SCN2A: variants seen among roughly 807,000 people sequenced by gnomAD.
The protein encoded by SCN2A is sodium voltage-gated channel alpha subunit 2.
SCN2A carries 20 observed loss-of-function variants against 188.7 expected under a neutral mutation model. That is an observed-to-expected ratio of 0.11 (90% CI 0.07 to 0.15). SCN2A has a LOEUF of 0.15. Ranked by LOEUF, SCN2A falls within the 10% of genes least tolerant of loss-of-function variation. The pLI is 1.00. For missense variants in SCN2A, 1,278 were observed against 2,445.0 expected, an observed-to-expected ratio of 0.52 and a Z score of 10.07; for synonymous variants, 804 against 833.1, an observed-to-expected ratio of 0.97 and a Z score of 0.60.
intron 14 of SCN2A, 58 bp from the exon 15 acceptor site, chr2:165,342,238 A>G (rs576355676): frequency 2.7e-6 from 4 of 1,504,048 alleles, no homozygotes; most frequent in South Asian, 2.3e-5. Flanking sequence ...AAGTTGCTCA[A>G]TAATTATTCG....
intron 14 of SCN2A, among the ~76,000 whole-genome samples, chr2:165,340,402 T>G (rs1217329262): frequency 6.6e-6 from 1 of 152,224 alleles, no homozygotes; most frequent in Non-Finnish European, 1.5e-5. Context: ...CTGTCAGGTC[T>G]CTGAGGTAAC....
intron 4 of SCN2A, 99 bp downstream of exon 4, chr2:165,308,036 G>T: frequency 1.2e-6 from 1 of 850,164 alleles, no homozygotes. Context: ...AATCATGCTA[G>T]CTACTGTTAA....
intron 16 of SCN2A, among the ~76,000 whole-genome samples, chr2:165,352,805 G>A (rs1285821706): frequency 3.3e-5 from 5 of 152,076 alleles, no homozygotes; most frequent in Admixed American, 3.3e-4. Context: ...TTGTCATTAT[G>A]TACATGCAAA....
At chr2:165,248,570 C>T (rs891979666) in intron 1 of SCN2A, among the ~76,000 whole-genome samples, 1 of 152,120 alleles carries the variant, frequency 6.6e-6, no homozygotes, top group African/African-American at 2.4e-5. Context: ...CTTATCGTCT[C>T]CCACATTCTT....
At chr2:165,260,366 C>T (rs186589883) in intron 1 of SCN2A, among the ~76,000 whole-genome samples, 13 of 152,234 alleles carry the variant, frequency 8.5e-5, no homozygotes, top group African/African-American at 2.6e-4. Context: ...GGTGCATTGT[C>T]AATGAGCAGT....
chr2:165,283,367 T>C (rs1377234073), intron 1 of SCN2A, among the ~76,000 whole-genome samples: 1 of 152,152 alleles, frequency 6.6e-6, no homozygotes, highest in Non-Finnish European at 1.5e-5. Flanking sequence ...GGGCATCATA[T>C]AAGTGTAAGC....
At chr2:165,316,423 A>T (rs1056666937) in intron 11 of SCN2A, among the ~76,000 whole-genome samples, 1 of 152,180 alleles carries the variant, frequency 6.6e-6, no homozygotes, top group African/African-American at 2.4e-5. Flanking sequence ...TGCCTTTTGT[A>T]CTCATGCAAG....
rs1436110486 is a variant in SCN2A, at chr2:165,265,468, G to GATATAT, written c.-52+25830_-52+25831insATATAT. 6.9e-3 allele frequency among the ~76,000 whole-genome samples: 137 copies of GATATAT among 19,776 alleles called. 4 individuals are homozygous for GATATAT. The highest frequency in any genetic ancestry group is 0.014 in the African/African-American group (81 of 5,784). 13.0% of individuals were successfully genotyped at this position (19,776 alleles called of 152,430 possible). ...CTCTAGGTTATGTGTTTACTCTGTT[G>GATATAT]ATCTATATATATATATATATATATA... On this transcript the variant is annotated intron_variant, in intron 1 of 26. Coordinates refer to ENST00000375437, the MANE Select transcript of SCN2A (RefSeq NM_001040142.2).
At position 165,388,859 on chromosome 2, in the gene SCN2A, G is replaced by A. The variant is rs1702012390; in HGVS notation, c.5053G>A (p.Val1685Ile). 1.2e-6 allele frequency: 2 copies of A among 1,613,952 alleles called. No homozygotes were observed. The highest frequency in any genetic ancestry group is 2.7e-5 in the African/African-American group (2 of 74,912). The change falls in exon 27 of 27, where the codon GTT becomes ATT. Residue 1685 changes from valine (V) to isoleucine (I), a missense_variant. By Grantham distance (29) the Val-to-Ile change is conservative. Around this residue, in one of 17 missense-constraint regions of SCN2A, gnomAD observed 47 missense variants for 109.0 expected, o/e 0.43. Coordinates refer to ENST00000375437, the MANE Select transcript of SCN2A (RefSeq NM_001040142.2). ...CTTTGGGATGTCCAATTTTGCCTAT[G>A]TTAAGAGGGAAGTTGGGATCGATGA... ...AIFGMSNFAY[V>I]KREVGIDDMF...
chr2:165,336,213 G>A (rs1168153688), intron 14 of SCN2A, among the ~76,000 whole-genome samples: 1 of 151,886 alleles, frequency 6.6e-6, no homozygotes, highest in African/African-American at 2.4e-5. Flanking sequence ...GTTTGGGGTA[G>A]AGTTACCACA....
At chr2:165,271,039 G>A (rs774322607) in intron 1 of SCN2A, 9 of 151,936 alleles carry the variant, frequency 5.9e-5, no homozygotes, top group Non-Finnish European at 8.8e-5. Context: ...GTAAAATACT[G>A]TGCATAAAAA....
At chr2:165,335,940 GAATAGAC>G (rs1451100516) in intron 14 of SCN2A, among the ~76,000 whole-genome samples, 1 of 151,740 alleles carries the variant, frequency 6.6e-6, no homozygotes, top group Non-Finnish European at 1.5e-5. Context: ...CAAAATATTT[GAATAGAC>G]ATATTGAAAA....
intron 1 of SCN2A, among the ~76,000 whole-genome samples, chr2:165,256,721 A>C (rs1170021229): frequency 6.6e-6 from 1 of 152,166 alleles, no homozygotes; most frequent in Non-Finnish European, 1.5e-5. Context: ...CTTTAATCTT[A>C]ATCAGAGTAT....
chr2:165,365,275 A>G lies in SCN2A; in HGVS notation c.3520+12A>G, dbSNP rs1700663744. Reference sequence around the variant, plus strand: ...CTGTTTTACAGAAGGTAAGCAAAACAATAACATATGTGGTCTTGAGTATCC... The same window carrying G: ...CTGTTTTACAGAAGGTAAGCAAAACGATAACATATGTGGTCTTGAGTATCC... On this transcript the variant is annotated intron_variant, in intron 18 of 26. Transcript: ENST00000375437. The G allele has an allele frequency of 1.9e-6, 3 of 1,613,522 alleles. No individual in the cohort carries two copies. The highest frequency in any genetic ancestry group is 1.7e-6 in the Non-Finnish European group (2 of 1,179,722).
At chr2:165,325,273 A>T (rs549412494) in intron 12 of SCN2A, among the ~76,000 whole-genome samples, 6 of 152,322 alleles carry the variant, frequency 3.9e-5, no homozygotes, top group African/African-American at 1.4e-4. Context: ...AGTTGGGGCC[A>T]GCTTGAAGCA....
At chr2:165,351,241 A>G (rs1699896992) in intron 16 of SCN2A, among the ~76,000 whole-genome samples, 1 of 152,210 alleles carries the variant, frequency 6.6e-6, no homozygotes, top group South Asian at 2.1e-4. Context: ...TCTAGTGGGT[A>G]TTAATAAACG....
chr2:165,373,203 T>G, intron 20 of SCN2A, 22 bp from the exon 21 acceptor site: 1 of 1,611,612 alleles, frequency 6.2e-7, no homozygotes, highest in African/African-American at 1.3e-5. Flanking sequence ...AATAAGAAAA[T>G]TGTGTTGCTT....
chr2:165,259,826 T>A (rs1249798041), intron 1 of SCN2A, among the ~76,000 whole-genome samples: 3 of 152,218 alleles, frequency 2.0e-5, no homozygotes, highest in Non-Finnish European at 4.4e-5. Flanking sequence ...TTTATGTTCT[T>A]AATGACATTC....
At chr2:165,373,884 C>A (rs769404333) in intron 21 of SCN2A, among the ~76,000 whole-genome samples, 1 of 152,010 alleles carries the variant, frequency 6.6e-6, no homozygotes, top group East Asian at 1.9e-4. Context: ...CCCTGAGGCA[C>A]AAAACCTGAG....
Sources: allele counts gnomAD v4.1 joint callset (sites outside exome capture counted in the v4.1 genomes callset), GRCh38; gene constraint gnomAD v4.1.1; regional missense constraint gnomAD v4.1.1; transcripts MANE v1.5; gene names NCBI Gene and HGNC (gene_info 2026-07-23, HGNC 2026-07-21).